Variants in PDZD7 observed in about 807,000 individuals in gnomAD.
PDZD7 encodes PDZ domain-containing protein 7.
A neutral mutation model predicts 84.7 loss-of-function variants in PDZD7; 72 were observed. The observed-to-expected ratio is 0.85, with a 90% CI of 0.70 to 1.03. PDZD7 has a LOEUF of 1.03. Among genes scored for constraint, PDZD7 ranks in the 50% least tolerant of loss-of-function variants. PDZD7 has a pLI of 0.00. For missense variants in PDZD7, 1,490 were observed against 1,412.9 expected, an observed-to-expected ratio of 1.05 and a Z score of -0.87; for synonymous variants, 594 against 580.7, an observed-to-expected ratio of 1.02 and a Z score of -0.33.
intron 14 of PDZD7, chr10:101,011,350 A>G (rs1234309092): frequency 2.0e-6 from 1 of 490,256 alleles, no homozygotes; most frequent in Non-Finnish European, 3.1e-6. Context: ...CTAGAATTAC[A>G]TTTTAATGCT....
At position 101,030,057 on chromosome 10, in the gene PDZD7, G is replaced by C. The variant is rs1225550811; in HGVS notation, c.163C>G (p.Pro55Ala). ...GGCGATGAGGCTCGGATTCCGCGGG[G>C]GGGCCCGTTCAGCAGCCGTTGTTGC... ...RKQQRLLNGP[P>A]RGIRASSPMG... Residue 55 changes from proline (P) to alanine (A), a missense_variant, in exon 2 of 17, where the codon CCC becomes GCC. Physicochemically the swap from Pro to Ala is conservative, Grantham distance 27 (BLOSUM62 -1). Transcript: ENST00000619208. 2 of 1,613,992 alleles carry C rather than the reference G, an allele frequency of 1.2e-6. No individual in the cohort carries two copies. The highest frequency in any genetic ancestry group is 1.3e-5 in the African/African-American group (1 of 74,946).
intron 15 of PDZD7, 57 bp downstream of exon 15, chr10:101,010,215 T>C (rs1268724110): frequency 2.7e-6 from 4 of 1,464,660 alleles, no homozygotes; most frequent in African/African-American, 2.8e-5. Context: ...CCAGATTCTT[T>C]TCCTAGGCCC....
chr10:101,019,040 G>T lies in PDZD7; in HGVS notation c.1106C>A (p.Ala369Asp). 6.4e-7 allele frequency: 1 copy of T among 1,573,162 alleles called. No homozygotes were observed. Among genetic ancestry groups the T allele is most frequent in the Non-Finnish European group, 8.6e-7 (1 of 1,164,432 alleles). Reference protein sequence around the residue: ...RGPGWGRADTAMQTEPDAGGR... With the variant: ...RGPGWGRADTDMQTEPDAGGR... ...TCCCGCATCGGGCTCCGTCTGCATG[G>T]CTGTGTCCGCCCGCCCCCAGCCTGG... Residue 369 changes from alanine to aspartate, a missense_variant, in exon 8 of 17, where the codon GCC becomes GAC. By Grantham distance (126) the Ala-to-Asp change is moderately radical. Transcript: ENST00000619208.
intron 2 of PDZD7, among the ~76,000 whole-genome samples, chr10:101,028,426 A>AAAAAT (rs1166205557): frequency 6.6e-6 from 1 of 152,068 alleles, no homozygotes; most frequent in Non-Finnish European, 1.5e-5. Flanking sequence ...TGTCTCTACA[A>AAAAAT]AAAATAAAAT....
intron 9 of PDZD7, 83 bp downstream of exon 9, chr10:101,018,016 T>G (rs1412023450): frequency 1.9e-6 from 3 of 1,556,144 alleles, no homozygotes; most frequent in Non-Finnish European, 2.7e-6. Flanking sequence ...TAAGACGCGG[T>G]GTGGGATCTC....
chr10:101,024,105 A>G, intron 2 of PDZD7, 37 bp from the exon 3 acceptor site: 1 of 1,614,084 alleles, frequency 6.2e-7, no homozygotes. Context: ...CCCCATGTTC[A>G]TTGTGGGCAC....
chr10:101,009,144 A>G, intron 16 of PDZD7, 106 bp downstream of exon 16: 14 of 1,085,060 alleles, frequency 1.3e-5, no homozygotes, highest in Non-Finnish European at 1.8e-5. Flanking sequence ...CTCCTCCCAC[A>G]ACCCGGGCTA....
Position 101,023,591 on chromosome 10 carries a change from CA to C in PDZD7, c.386del (p.Val129GlyfsTer8). ...CATTCACCTCCGTGATCTTGTCCCC[CA>C]CGCACAGGCCAGCCCGCTCTGCACC... The part of the protein sequence containing the change: ...GSSAERAGLC[V>X]GDKITEVNGL... On this transcript the variant is annotated frameshift_variant, in exon 4 of 17. Coordinates refer to ENST00000619208, the MANE Select transcript of PDZD7 (RefSeq NM_001195263.2). LOFTEE classifies it high-confidence loss of function. The C allele has an allele frequency of 6.2e-7, 1 of 1,612,992 alleles. No homozygotes were observed. The highest frequency in any genetic ancestry group is 8.5e-7 in the Non-Finnish European group (1 of 1,180,028).
At chr10:101,020,164 G>C (rs960499397) in intron 7 of PDZD7, among the ~76,000 whole-genome samples, 2 of 152,052 alleles carry the variant, frequency 1.3e-5, no homozygotes, top group Non-Finnish European at 2.9e-5. Context: ...AGGCTGGAGT[G>C]CAATGGCATC....
At chr10:101,011,291 T>C in intron 14 of PDZD7, 1 of 376,360 alleles carries the variant, frequency 2.7e-6, no homozygotes, top group Non-Finnish European at 4.4e-6. Flanking sequence ...TCCACCCGCC[T>C]CAGCCTCCCA....
intron 7 of PDZD7, among the ~76,000 whole-genome samples, chr10:101,020,417 T>C (rs1853017717): frequency 6.6e-6 from 1 of 152,168 alleles, no homozygotes; most frequent in Non-Finnish European, 1.5e-5. Flanking sequence ...AAATTATTAT[T>C]TGTAGAGACG....
At chr10:101,022,125 G>A (rs1853144284) in intron 5 of PDZD7, 84 bp downstream of exon 5, 3 of 1,590,620 alleles carry the variant, frequency 1.9e-6, no homozygotes, top group South Asian at 1.1e-5. Flanking sequence ...CTCACTTGCT[G>A]ACCATCCCCA....
chr10:101,020,145 T>A (rs1231452776), intron 7 of PDZD7, among the ~76,000 whole-genome samples: 1 of 151,176 alleles, frequency 6.6e-6, no homozygotes, highest in Non-Finnish European at 1.5e-5. Flanking sequence ...AGTTTCACTC[T>A]TATTGCCCAG....
Position 101,010,859 on chromosome 10 carries a change from A to C in PDZD7, c.2030T>G (p.Leu677Arg). The change falls in exon 15 of 17, where the codon CTG (leucine) becomes CGG (arginine). Residue 677 changes from leucine (L) to arginine (R), a missense_variant. Leu to Arg is a moderately radical substitution (Grantham distance 102, BLOSUM62 -2). Coordinates refer to ENST00000619208, the MANE Select transcript of PDZD7 (RefSeq NM_001195263.2). ...VPDSRGGFYL[L>R]PVNGFPEEED... ...CTCTTCCGGGAAGCCGTTCACCGGCAGCAGGTAGAAGCCTCCGCGGCTGTC... is the reference window on the plus strand; with the variant it reads ...CTCTTCCGGGAAGCCGTTCACCGGCCGCAGGTAGAAGCCTCCGCGGCTGTC... 1 of 1,534,286 alleles carries C rather than the reference A, an allele frequency of 6.5e-7. No homozygotes were observed. The highest frequency in any genetic ancestry group is 8.7e-7 in the Non-Finnish European group (1 of 1,146,848).
At chr10:101,023,070 CTTTTTTTTTTTTT>C (rs1161602421) in intron 4 of PDZD7, 5,102 of 127,960 alleles carry the variant, frequency 0.04, 180 homozygotes, top group East Asian at 0.21. Context: ...CCATGCCCGG[CTTTTTTTTTTTTT>C]TTTTTTTTTT....
chr10:101,021,996 AC>A (rs746473120), intron 5 of PDZD7, 51 bp from the exon 6 acceptor site: 36 of 1,603,134 alleles, frequency 2.2e-5, no homozygotes, highest in East Asian at 1.1e-4. Context: ...GCCCTCCGTT[AC>A]CCCACTCCAG....
intron 2 of PDZD7, among the ~76,000 whole-genome samples, chr10:101,028,214 T>C (rs965153243): frequency 8.5e-5 from 13 of 152,196 alleles, no homozygotes; most frequent in Non-Finnish European, 1.5e-4. Flanking sequence ...TAGGAGATGC[T>C]GCTTCCTTGG....
chr10:101,021,767 C>A (rs1463657590), intron 6 of PDZD7, 31 bp downstream of exon 6: 1 of 1,614,198 alleles, frequency 6.2e-7, no homozygotes. Flanking sequence ...ACTCTAGCCT[C>A]ACCTCTCCCT....
chr10:101,014,198 A>G (rs1235203839), intron 11 of PDZD7, among the ~76,000 whole-genome samples: 3 of 152,112 alleles, frequency 2.0e-5, no homozygotes, highest in South Asian at 2.1e-4. Context: ...TGGCAGCTGT[A>G]GAGAGATGGC....
Sources: gnomAD v4.1 joint callset for allele counts (sites outside exome capture counted in the v4.1 genomes callset) on GRCh38, gnomAD v4.1.1 for gene constraint, MANE v1.5 for transcripts, NCBI Gene and HGNC (gene_info 2026-07-23, HGNC 2026-07-21) for gene names.